NAALADL2: variants seen among roughly 807,000 people sequenced by gnomAD.
NAALADL2 encodes the protein N-acetylated alpha-linked acidic dipeptidase like 2, also known as inactive N-acetylated-alpha-linked acidic dipeptidase-like protein 2.
Under a neutral mutation model 87.2 loss-of-function variants are expected in NAALADL2, and 76 were observed. That is an observed-to-expected ratio of 0.87 (90% CI 0.72 to 1.05). NAALADL2 has a LOEUF of 1.05. Ranked by LOEUF, NAALADL2 falls within the 50% of genes least tolerant of loss-of-function variation. The pLI, the probability that NAALADL2 is intolerant of heterozygous loss-of-function variation, is 0.00. For synonymous variants in NAALADL2, 354 were observed against 331.0 expected (o/e 1.07, Z -0.75); for missense variants, 1,089 against 945.8 (o/e 1.15, Z -1.99).
chr3:174,497,079 C>G (rs1029833042), intron 1 of NAALADL2, among the ~76,000 whole-genome samples: 1 of 152,072 alleles, frequency 6.6e-6, no homozygotes, highest in Admixed American at 6.6e-5. Flanking sequence ...TAGCATTTGC[C>G]CATCAGTTAT....
At chr3:175,186,019 T>C (rs2109021653) in intron 2 of NAALADL2, among the ~76,000 whole-genome samples, 1 of 152,166 alleles carries the variant, frequency 6.6e-6, no homozygotes, top group East Asian at 1.9e-4. Context: ...TATTCACTCC[T>C]AGTAACCTAA....
At chr3:174,882,016 G>A (rs1178950497) in intron 1 of NAALADL2, among the ~76,000 whole-genome samples, 1 of 152,112 alleles carries the variant, frequency 6.6e-6, no homozygotes, top group Admixed American at 6.6e-5. Flanking sequence ...TTAGGCATAA[G>A]AACAAGATTT....
intron 3 of NAALADL2, among the ~76,000 whole-genome samples, chr3:174,850,733 C>T (rs1257289166): frequency 2.6e-5 from 4 of 152,094 alleles, no homozygotes; most frequent in Admixed American, 6.6e-5. Flanking sequence ...AACAAATCAA[C>T]ATGGAACCTA....
intron 3 of NAALADL2, among the ~76,000 whole-genome samples, chr3:174,851,112 C>G (rs1725190021): frequency 2.0e-5 from 3 of 151,938 alleles, no homozygotes; most frequent in Admixed American, 2.0e-4. Flanking sequence ...ACTGCAAAAA[C>G]AGTAGTGAGA....
In NAALADL2 at chr3:174,751,388, C is replaced by T. The variant is rs181024526; in HGVS notation, c.-9+13642C>T. Among the ~76,000 whole-genome samples, 414 of 152,112 alleles carry T rather than the reference C, an allele frequency of 2.7e-3. 2 individuals carry two copies. The highest frequency in any genetic ancestry group is 9.5e-3 in the African/African-American group (393 of 41,510). On this transcript the variant is annotated intron_variant, in intron 3 of 3. Transcript: ENST00000434257. ...AATATCATAAAAGTTTATGGCCAGA[C>T]GCAGTTGCTCACGTCTGTAATCCCA...
At chr3:174,809,777 C>G (rs1719950392) in intron 3 of NAALADL2, among the ~76,000 whole-genome samples, 1 of 152,048 alleles carries the variant, frequency 6.6e-6, no homozygotes. Context: ...ATCTGTATTC[C>G]TACCCAAATT....
chr3:175,452,506 T>C (rs1721731066), intron 6 of NAALADL2, among the ~76,000 whole-genome samples: 1 of 152,086 alleles, frequency 6.6e-6, no homozygotes, highest in African/African-American at 2.4e-5. Flanking sequence ...TGGAGGAAAA[T>C]ATTCAAAAGA....
intron 1 of NAALADL2, among the ~76,000 whole-genome samples, chr3:174,469,973 GT>G (rs199555535): frequency 1.3e-4 from 19 of 151,404 alleles, no homozygotes; most frequent in Admixed American, 4.6e-4. Context: ...TACTTTGAAA[GT>G]TTTTTTTTAA....
intron 1 of NAALADL2, among the ~76,000 whole-genome samples, chr3:175,008,793 T>G (rs1375755202): frequency 6.6e-6 from 1 of 152,116 alleles, no homozygotes; most frequent in African/African-American, 2.4e-5. Flanking sequence ...TTCCTTGCAG[T>G]TCCATGTTTG....
intron 6 of NAALADL2, among the ~76,000 whole-genome samples, chr3:175,457,471 T>C (rs549580634): frequency 6.6e-6 from 1 of 152,260 alleles, no homozygotes; most frequent in East Asian, 1.9e-4. Context: ...TTGTGTTCAC[T>C]GATACGTGTT....
At chr3:174,987,555 C>A (rs1220906934) in intron 1 of NAALADL2, among the ~76,000 whole-genome samples, 1 of 97,650 alleles carries the variant, frequency 1.0e-5, no homozygotes, top group Non-Finnish European at 1.8e-5. Context: ...GGCGACAGAG[C>A]GAGACTCCGT....
At chr3:174,866,077 A>C (rs978261675) in intron 1 of NAALADL2, among the ~76,000 whole-genome samples, 1 of 151,926 alleles carries the variant, frequency 6.6e-6, no homozygotes, top group African/African-American at 2.4e-5. Context: ...GAAAATAATA[A>C]ATTGTTTTTC....
At chr3:174,969,768 G>C (rs1461508437) in intron 1 of NAALADL2, among the ~76,000 whole-genome samples, 1 of 152,068 alleles carries the variant, frequency 6.6e-6, no homozygotes, top group Non-Finnish European at 1.5e-5. Flanking sequence ...TGGAGTCTTA[G>C]GCCACTGCAC....
chr3:175,644,063 C>T lies in NAALADL2; in HGVS notation c.1896+16677C>T, dbSNP rs374156200. The stretch of plus-strand genomic sequence containing the variant: ...CTCTGATTGCTAATGAAGTTGAGTG[C>T]CATTATGTATGTGTGTTGGTTTTCT... On this transcript the variant is annotated intron_variant, in intron 11 of 13. Transcript: ENST00000454872. Among the ~76,000 whole-genome samples, 6 of 152,010 alleles carry T rather than the reference C, an allele frequency of 3.9e-5. No homozygotes were observed. In the East Asian group the frequency reaches 7.7e-4, roughly 20 times the overall value.
At chr3:175,522,595 A>G (rs114196332) in intron 9 of NAALADL2, among the ~76,000 whole-genome samples, 2,584 of 152,344 alleles carry the variant, frequency 0.017, 81 homozygotes, top group African/African-American at 0.059. Flanking sequence ...TAAGTAAGAT[A>G]TAGTTGAAAG....
At chr3:175,251,705 G>T (rs1273548386) in intron 3 of NAALADL2, among the ~76,000 whole-genome samples, 1 of 152,174 alleles carries the variant, frequency 6.6e-6, no homozygotes, top group African/African-American at 2.4e-5. Context: ...ATATTGATTT[G>T]TGCCTCAAAA....
At chr3:175,380,628 T>C (rs894415297) in intron 5 of NAALADL2, among the ~76,000 whole-genome samples, 1 of 152,192 alleles carries the variant, frequency 6.6e-6, no homozygotes, top group Non-Finnish European at 1.5e-5. Context: ...CCATGCTGTA[T>C]TTTAGAAAAC....
At chr3:174,496,169 A>G (rs1718521591) in intron 1 of NAALADL2, among the ~76,000 whole-genome samples, 2 of 152,160 alleles carry the variant, frequency 1.3e-5, no homozygotes, top group South Asian at 4.1e-4. Context: ...AGCATCCGTC[A>G]CTATTTCCCA....
intron 1 of NAALADL2, among the ~76,000 whole-genome samples, chr3:174,509,704 G>T (rs1719473422): frequency 6.7e-6 from 1 of 150,054 alleles, no homozygotes; most frequent in African/African-American, 2.5e-5. Context: ...GGGATTACAG[G>T]CGTGAGCCAC....
Sources: gnomAD v4.1 joint callset for allele counts (sites outside exome capture counted in the v4.1 genomes callset) on GRCh38, gnomAD v4.1.1 for gene constraint, MANE v1.5 for transcripts, NCBI Gene and HGNC (gene_info 2026-07-23, HGNC 2026-07-21) for gene names.